PHTF2: variants seen among roughly 807,000 people sequenced by gnomAD.
PHTF2 encodes putative homeodomain transcription factor 2, also known as protein PHTF2.
In PHTF2, 60 loss-of-function variants were observed where a neutral mutation model predicts 101.2. That is an observed-to-expected ratio of 0.59 (90% CI 0.48 to 0.73). The LOEUF (loss-of-function observed/expected upper bound fraction) is 0.73, where lower values mean the gene tolerates loss of function less well. Ranked by LOEUF, PHTF2 falls within the 30% of genes least tolerant of loss-of-function variation. PHTF2 has a pLI of 0.00. For missense variants in PHTF2, 747 were observed against 908.7 expected (o/e 0.82, Z 2.29); for synonymous variants, 311 against 307.3 (o/e 1.01, Z -0.13).
chr7:77,882,825 C>T (rs1799526661), intron 3 of PHTF2, among the ~76,000 whole-genome samples: 2 of 152,122 alleles, frequency 1.3e-5, no homozygotes, highest in African/African-American at 2.4e-5. Flanking sequence ...GTGACATTAT[C>T]ATCATAGTTT....
intron 9 of PHTF2, among the ~76,000 whole-genome samples, chr7:77,913,913 A>T (rs1388391509): frequency 2.6e-5 from 4 of 151,980 alleles, no homozygotes; most frequent in Non-Finnish European, 5.9e-5. Context: ...AAAATACAAA[A>T]AAATTAGCCA....
chr7:77,940,676 A>C lies in PHTF2; in HGVS notation c.1872+17A>C. 1.3e-6 allele frequency: 2 copies of C among 1,566,698 alleles called. No homozygotes were observed. Among genetic ancestry groups the C allele is most frequent in the Non-Finnish European group, 1.7e-6 (2 of 1,149,468 alleles). On this transcript the variant is annotated intron_variant, in intron 15 of 19. Transcript: ENST00000416283. ...TATCTTAAGGTAGAATGGGAGTGAT[A>C]AAAGTAGCTTTAACATGCTGGCCCT...
chr7:77,873,584 T>C (rs1303946210), intron 3 of PHTF2, among the ~76,000 whole-genome samples: 3 of 152,088 alleles, frequency 2.0e-5, no homozygotes, highest in Non-Finnish European at 4.4e-5. Context: ...GGGGAGGCCA[T>C]CACTGTTGCC....
chr7:77,943,007 T>A (rs927489857), intron 16 of PHTF2, among the ~76,000 whole-genome samples: 6 of 152,230 alleles, frequency 3.9e-5, no homozygotes, highest in Non-Finnish European at 8.8e-5. Context: ...CACAGATTAA[T>A]TAATTTTTGC....
chr7:77,909,346 A>G (rs967283769), intron 8 of PHTF2: 1 of 155,010 alleles, frequency 6.5e-6, no homozygotes, highest in African/African-American at 2.4e-5. Context: ...TATTTACTAA[A>G]TGCTATTTGG....
At chr7:77,811,210 C>T (rs1293217434) in intron 1 of PHTF2, among the ~76,000 whole-genome samples, 5 of 152,178 alleles carry the variant, frequency 3.3e-5, no homozygotes, top group Admixed American at 6.5e-5. Context: ...CCCTGGGTTA[C>T]GTACTTTAGG....
intron 3 of PHTF2, among the ~76,000 whole-genome samples, chr7:77,860,247 T>G (rs1400141751): frequency 6.6e-6 from 1 of 152,214 alleles, no homozygotes; most frequent in Non-Finnish European, 1.5e-5. Context: ...TTGGAGCAGT[T>G]GAGTCGACAT....
chr7:77,956,027 T>C (rs1039292691), exon 20 of PHTF2: 14 of 152,696 alleles, frequency 9.2e-5, no homozygotes, highest in African/African-American at 3.1e-4. Context: ...TGAGAACTTA[T>C]CATGTTGGTG....
intron 5 of PHTF2, among the ~76,000 whole-genome samples, chr7:77,897,601 A>G (rs564500927): frequency 1.8e-4 from 28 of 152,268 alleles, no homozygotes; most frequent in African/African-American, 6.3e-4. Context: ...ACTGAAAGCT[A>G]TGCTACTTTG....
intron 2 of PHTF2, among the ~76,000 whole-genome samples, chr7:77,849,814 C>G (rs1796594368): frequency 6.6e-6 from 1 of 152,162 alleles, no homozygotes. Context: ...AGATTGTTCA[C>G]TGTTGGCATA....
intron 1 of PHTF2, among the ~76,000 whole-genome samples, chr7:77,819,764 G>GA (rs1166564077): frequency 1.3e-5 from 2 of 152,166 alleles, no homozygotes; most frequent in African/African-American, 2.4e-5. Context: ...GAGTTAGGAA[G>GA]AATCAGTCTG....
chr7:77,838,999 A>G (rs559900442), intron 1 of PHTF2, among the ~76,000 whole-genome samples: 1 of 152,280 alleles, frequency 6.6e-6, no homozygotes, highest in African/African-American at 2.4e-5. Context: ...CTCAAAAAGC[A>G]TGCATGCTCC....
At chr7:77,890,022 G>GCC (rs59593439) in intron 3 of PHTF2, among the ~76,000 whole-genome samples, 5,443 of 145,930 alleles carry the variant, frequency 0.037, 153 homozygotes, top group South Asian at 0.15. Flanking sequence ...ATTAAGACGC[G>GCC]CCCCCCCCCA....
At chr7:77,861,139 CT>C (rs1315105671) in intron 3 of PHTF2, among the ~76,000 whole-genome samples, 9 of 152,002 alleles carry the variant, frequency 5.9e-5, no homozygotes, top group Admixed American at 1.3e-4. Context: ...TCTTTAATTT[CT>C]TTTTTTATTT....
rs144730735 is a variant in PHTF2, at chr7:77,905,558, G to A, written c.446-3235G>A. ...CTGTTGCTCAGGCTGGAGTGCGGTGGTGCAGTCATGGCTCGCTGCAGCCTC... is the reference window on the plus strand; with the variant it reads ...CTGTTGCTCAGGCTGGAGTGCGGTGATGCAGTCATGGCTCGCTGCAGCCTC... On this transcript the variant is annotated intron_variant, in intron 7 of 19. Coordinates refer to ENST00000416283, the Ensembl canonical transcript of PHTF2. Among the ~76,000 whole-genome samples, 1,091 of 151,724 alleles carry A rather than the reference G, an allele frequency of 7.2e-3. 12 individuals are homozygous for A. The highest frequency in any genetic ancestry group is 0.021 in the Middle Eastern group (6 of 288).
intron 3 of PHTF2, among the ~76,000 whole-genome samples, chr7:77,888,243 T>G (rs1176935800): frequency 6.6e-6 from 1 of 152,196 alleles, no homozygotes; most frequent in Non-Finnish European, 1.5e-5. Context: ...GCCTCCCAAG[T>G]AGCTGGGATT....
intron 7 of PHTF2, among the ~76,000 whole-genome samples, chr7:77,905,290 A>C (rs895463236): frequency 6.7e-6 from 1 of 148,448 alleles, no homozygotes; most frequent in African/African-American, 2.5e-5. Context: ...CAGTGGTGCG[A>C]TCATAGTTCA....
chr7:77,929,227 G>A, exon 12 of PHTF2: 1 of 1,612,000 alleles, frequency 6.2e-7, no homozygotes, highest in Non-Finnish European at 8.5e-7. Context: ...TTGTTACATT[G>A]TGCAGAATGC....
exon 20 of PHTF2, chr7:77,956,642 A>C (rs1807007293): frequency 6.6e-6 from 1 of 152,558 alleles, no homozygotes; most frequent in Non-Finnish European, 1.5e-5. Context: ...GTTTTTAGGA[A>C]TTATGTTTTA....
Sources: allele counts gnomAD v4.1 joint callset (sites outside exome capture counted in the v4.1 genomes callset), GRCh38; gene constraint gnomAD v4.1.1; transcripts MANE v1.5; gene names NCBI Gene and HGNC (gene_info 2026-07-23, HGNC 2026-07-21).